Variants in MBD5 observed in about 807,000 individuals in gnomAD.
MBD5 encodes methyl-CpG binding domain protein 5.
In MBD5, 13 loss-of-function variants were observed where a neutral mutation model predicts 117.3. That is an observed-to-expected ratio of 0.11 (90% CI 0.07 to 0.18). The LOEUF (loss-of-function observed/expected upper bound fraction) is 0.18. Among genes scored for constraint, MBD5 ranks in the 10% least tolerant of loss-of-function variants. The pLI, the probability that MBD5 is intolerant of heterozygous loss-of-function variation, is 1.00. For synonymous variants in MBD5, 727 were observed against 766.4 expected, an observed-to-expected ratio of 0.95 and a Z score of 0.85; for missense variants, 1,879 against 2,093.8, an observed-to-expected ratio of 0.90 and a Z score of 2.00.
intron 2 of MBD5, among the ~76,000 whole-genome samples, chr2:148,232,485 TG>T (rs1700012250): frequency 6.6e-6 from 1 of 152,122 alleles, no homozygotes; most frequent in Admixed American, 6.5e-5. Context: ...ATACTTTTTT[TG>T]TTTTTTTCAA....
chr2:148,160,896 CTG>C (rs771493701), intron 1 of MBD5, among the ~76,000 whole-genome samples: 5 of 152,176 alleles, frequency 3.3e-5, no homozygotes, highest in African/African-American at 1.2e-4. Context: ...ATCCTCAACT[CTG>C]TGTTCTTAAA....
chr2:148,061,158 C>T (rs1005162131), intron 1 of MBD5, among the ~76,000 whole-genome samples: 53 of 151,808 alleles, frequency 3.5e-4, no homozygotes, highest in Admixed American at 1.3e-4. Flanking sequence ...TTATTTTGAT[C>T]GTTATTCCTT....
At chr2:148,455,354 A>C (rs2105512304) in intron 4 of MBD5, among the ~76,000 whole-genome samples, 1 of 152,216 alleles carries the variant, frequency 6.6e-6, no homozygotes. Flanking sequence ...AAGCTGTAAA[A>C]CCAGCCTTTT....
At chr2:148,051,585 C>T (rs1383527122) in intron 1 of MBD5, among the ~76,000 whole-genome samples, 1 of 140,866 alleles carries the variant, frequency 7.1e-6, no homozygotes, top group Non-Finnish European at 1.5e-5. Flanking sequence ...GAGGAAATTT[C>T]CTTCTGTTCT....
chr2:148,228,858 A>G (rs1291863536), intron 2 of MBD5, among the ~76,000 whole-genome samples: 1 of 152,152 alleles, frequency 6.6e-6, no homozygotes, highest in African/African-American at 2.4e-5. Flanking sequence ...GTGTCAAGGA[A>G]TTTATCCATT....
intron 3 of MBD5, among the ~76,000 whole-genome samples, chr2:148,282,206 G>A (rs1373000394): frequency 6.6e-6 from 1 of 152,076 alleles, no homozygotes; most frequent in Non-Finnish European, 1.5e-5. Flanking sequence ...CAGGAATCCT[G>A]TCAAAACAGT....
At chr2:148,332,959 T>G (rs982330538) in intron 3 of MBD5, among the ~76,000 whole-genome samples, 4 of 152,174 alleles carry the variant, frequency 2.6e-5, no homozygotes, top group Admixed American at 2.0e-4. Flanking sequence ...GTCTCCTATG[T>G]TTGTTTTTTC....
chr2:148,029,902 A>C (rs1693992416), intron 1 of MBD5, among the ~76,000 whole-genome samples: 1 of 152,200 alleles, frequency 6.6e-6, no homozygotes, highest in South Asian at 2.1e-4. Flanking sequence ...AATCATATTA[A>C]ATCTAATGCA....
intron 4 of MBD5, among the ~76,000 whole-genome samples, chr2:148,381,296 C>T (rs1159452791): frequency 1.3e-5 from 2 of 152,156 alleles, no homozygotes; most frequent in Non-Finnish European, 2.9e-5. Flanking sequence ...GCTGAAAACC[C>T]AGGCACGAGA....
At chr2:148,449,231 T>G (rs962114588) in intron 4 of MBD5, among the ~76,000 whole-genome samples, 2 of 152,066 alleles carry the variant, frequency 1.3e-5, no homozygotes, top group African/African-American at 2.4e-5. Context: ...AGAAAGGAAG[T>G]GTTGCATAGT....
chr2:148,407,659 G>A (rs746765798), intron 4 of MBD5, among the ~76,000 whole-genome samples: 1 of 152,056 alleles, frequency 6.6e-6, no homozygotes. Context: ...AAACACTAGA[G>A]TTATCATTGC....
chr2:148,509,996 G>T, intron 12 of MBD5, 64 bp from the exon 13 acceptor site: 1 of 1,293,486 alleles, frequency 7.7e-7, no homozygotes, highest in South Asian at 1.2e-5. Context: ...TTCTGATTAG[G>T]AAATTAAATT....
intron 3 of MBD5, among the ~76,000 whole-genome samples, chr2:148,330,016 C>A (rs1280815676): frequency 7.1e-6 from 1 of 140,594 alleles, no homozygotes; most frequent in Non-Finnish European, 1.5e-5. Flanking sequence ...TTAAGACTTC[C>A]TTGGTTGTAG....
At chr2:148,508,192 A>G (rs1213107202) in intron 12 of MBD5, among the ~76,000 whole-genome samples, 1 of 152,186 alleles carries the variant, frequency 6.6e-6, no homozygotes, top group Non-Finnish European at 1.5e-5. Flanking sequence ...CAGACACCTC[A>G]TTAGGAAAAC....
intron 3 of MBD5, among the ~76,000 whole-genome samples, chr2:148,251,678 T>G (rs1700468361): frequency 6.6e-6 from 1 of 152,088 alleles, no homozygotes; most frequent in Non-Finnish European, 1.5e-5. Flanking sequence ...TATTTTAAGG[T>G]GTTCCAAATT....
chr2:148,435,595 TC>T (rs1706131207), intron 4 of MBD5, among the ~76,000 whole-genome samples: 3 of 152,234 alleles, frequency 2.0e-5, no homozygotes, highest in Admixed American at 2.0e-4. Flanking sequence ...TTGTAGGGTT[TC>T]TGCTGAAAGG....
At chr2:148,286,235 C>T (rs1347524198) in intron 3 of MBD5, among the ~76,000 whole-genome samples, 1 of 152,142 alleles carries the variant, frequency 6.6e-6, no homozygotes, top group Non-Finnish European at 1.5e-5. Context: ...ATTTTTATTA[C>T]TTTCTGAATG....
chr2:148,311,389 T>G (rs1272088365), intron 3 of MBD5, among the ~76,000 whole-genome samples: 1 of 152,232 alleles, frequency 6.6e-6, no homozygotes, highest in African/African-American at 2.4e-5. Context: ...ATTGATCCTT[T>G]TACCATTATG....
At chr2:148,236,495 A>T (rs1700094839) in intron 3 of MBD5, among the ~76,000 whole-genome samples, 1 of 152,174 alleles carries the variant, frequency 6.6e-6, no homozygotes, top group South Asian at 2.1e-4. Context: ...CTCTTGGATG[A>T]CTAGGTATAC....
Sources: gnomAD v4.1 joint callset for allele counts (sites outside exome capture counted in the v4.1 genomes callset) on GRCh38, gnomAD v4.1.1 for gene constraint, MANE v1.5 for transcripts, NCBI Gene and HGNC (gene_info 2026-07-23, HGNC 2026-07-21) for gene names.